The following CAMKMT variants were observed in gnomAD, a reference collection of about 807,000 sequenced individuals.
The protein encoded by CAMKMT is calmodulin-lysine N-methyltransferase.
CAMKMT carries 53 observed loss-of-function variants against 48.0 expected under a neutral mutation model. The ratio of observed to expected loss-of-function variants is 1.10; its 90% CI spans 0.89 to 1.39. The LOEUF (loss-of-function observed/expected upper bound fraction) is 1.39. CAMKMT is among the 40% of genes most tolerant of loss of function. The pLI, the probability that CAMKMT is intolerant of heterozygous loss-of-function variation, is 0.00. For missense variants in CAMKMT, 428 were observed against 402.7 expected (o/e 1.06, Z -0.54); for synonymous variants, 165 against 152.3 (o/e 1.08, Z -0.61).
intron 3 of CAMKMT, among the ~76,000 whole-genome samples, chr2:44,467,555 A>C (rs1326976673): frequency 6.6e-6 from 1 of 152,012 alleles, no homozygotes; most frequent in Non-Finnish European, 1.5e-5. Flanking sequence ...AAAAAACAAA[A>C]AAAAACAAAG....
At chr2:44,762,385 G>A (rs1027064609) in intron 9 of CAMKMT, among the ~76,000 whole-genome samples, 3 of 152,194 alleles carry the variant, frequency 2.0e-5, no homozygotes, top group Non-Finnish European at 2.9e-5. Flanking sequence ...GTATTTAATA[G>A]TTTGGTTGCT....
chr2:44,735,960 C>G (rs981560400), intron 7 of CAMKMT, among the ~76,000 whole-genome samples: 21 of 152,062 alleles, frequency 1.4e-4, no homozygotes, highest in Admixed American at 7.9e-4. Flanking sequence ...AGTATACTGC[C>G]ATTGGTCCCC....
chr2:44,536,276 T>A (rs1233631399), intron 3 of CAMKMT, among the ~76,000 whole-genome samples: 1 of 151,558 alleles, frequency 6.6e-6, no homozygotes, highest in African/African-American at 2.4e-5. Context: ...AAAATGACCA[T>A]ACTACCCAAA....
intron 3 of CAMKMT, among the ~76,000 whole-genome samples, chr2:44,543,100 C>A (rs1667219825): frequency 6.6e-6 from 1 of 152,118 alleles, no homozygotes; most frequent in South Asian, 2.1e-4. Flanking sequence ...AAATTATGTT[C>A]ATTTATATGT....
intron 3 of CAMKMT, among the ~76,000 whole-genome samples, chr2:44,569,423 C>T (rs1015341896): frequency 1.3e-5 from 2 of 152,086 alleles, no homozygotes; most frequent in African/African-American, 4.8e-5. Flanking sequence ...TTCTGAAAAT[C>T]ATTTTCTTTT....
intron 3 of CAMKMT, among the ~76,000 whole-genome samples, chr2:44,647,351 C>G (rs924973280): frequency 6.6e-6 from 1 of 152,050 alleles, no homozygotes; most frequent in Admixed American, 6.6e-5. Context: ...CACTGGGAGA[C>G]AGGGAAAAGC....
chr2:44,630,359 C>G (rs1001111996), intron 3 of CAMKMT, among the ~76,000 whole-genome samples: 11 of 152,160 alleles, frequency 7.2e-5, no homozygotes, highest in Middle Eastern at 3.4e-3. Flanking sequence ...GTCTAAAACA[C>G]CAAAAGCAAT....
At chr2:44,712,232 C>T (rs574911544) in intron 6 of CAMKMT, among the ~76,000 whole-genome samples, 68 of 152,026 alleles carry the variant, frequency 4.5e-4, no homozygotes, top group Admixed American at 6.5e-4. Flanking sequence ...TTCCTACCCT[C>T]ATTTTTGGTA....
chr2:44,454,685 T>C (rs146725469), intron 3 of CAMKMT, among the ~76,000 whole-genome samples: 1 of 152,246 alleles, frequency 6.6e-6, no homozygotes, highest in African/African-American at 2.4e-5. Context: ...ACTTATCTCT[T>C]GGACGGCATA....
At chr2:44,552,240 G>A (rs1044689609) in intron 3 of CAMKMT, among the ~76,000 whole-genome samples, 3 of 151,994 alleles carry the variant, frequency 2.0e-5, no homozygotes, top group Admixed American at 6.6e-5. Context: ...CAGTTTGAAT[G>A]TATGTTCACA....
At chr2:44,757,322 G>T (rs1236694340) in intron 9 of CAMKMT, among the ~76,000 whole-genome samples, 5 of 152,182 alleles carry the variant, frequency 3.3e-5, no homozygotes. Context: ...TGCTCTCATA[G>T]AGTTCTATCA....
intron 9 of CAMKMT, among the ~76,000 whole-genome samples, chr2:44,755,744 C>T (rs1680346957): frequency 2.0e-5 from 3 of 152,222 alleles, no homozygotes. Context: ...ACACTCCCTC[C>T]ATCTGAATCG....
chr2:44,391,469 C>G (rs1342690011), intron 3 of CAMKMT, among the ~76,000 whole-genome samples: 1 of 151,996 alleles, frequency 6.6e-6, no homozygotes, highest in African/African-American at 2.4e-5. Context: ...AGGTGTATCT[C>G]ATATTTTTAT....
intron 3 of CAMKMT, among the ~76,000 whole-genome samples, chr2:44,462,905 T>A (rs925008089): frequency 5.9e-5 from 9 of 152,220 alleles, no homozygotes; most frequent in Non-Finnish European, 4.4e-5. Flanking sequence ...TTTTGCTGAT[T>A]GCATCCCCAT....
chr2:44,488,878 T>TGTGTGTGTGTGTG (rs1669344972), intron 3 of CAMKMT, among the ~76,000 whole-genome samples: 5 of 98,678 alleles, frequency 5.1e-5, no homozygotes, highest in Admixed American at 9.4e-5. Context: ...TGTGTGTGTG[T>TGTGTGTGTGTGTG]TTTAAGAAAT....
chr2:44,588,218 G>A (rs1203622301), intron 3 of CAMKMT, among the ~76,000 whole-genome samples: 1 of 118,684 alleles, frequency 8.4e-6, no homozygotes, highest in Non-Finnish European at 1.8e-5. Flanking sequence ...CCCCGTCTGA[G>A]AAGTGAGGAG....
intron 3 of CAMKMT, among the ~76,000 whole-genome samples, chr2:44,667,319 T>C (rs1473786235): frequency 6.6e-6 from 1 of 152,190 alleles, no homozygotes; most frequent in Non-Finnish European, 1.5e-5. Flanking sequence ...GCAGATGATA[T>C]CCCCATCCGG....
At chr2:44,403,669 C>T (rs969688300) in intron 3 of CAMKMT, among the ~76,000 whole-genome samples, 1 of 152,114 alleles carries the variant, frequency 6.6e-6, no homozygotes, top group African/African-American at 2.4e-5. Flanking sequence ...TAGGTAGATT[C>T]ACTCTAACAT....
At chr2:44,731,817 T>G (rs1473228736) in intron 7 of CAMKMT, among the ~76,000 whole-genome samples, 1 of 152,234 alleles carries the variant, frequency 6.6e-6, no homozygotes, top group African/African-American at 2.4e-5. Flanking sequence ...AGGGCAATGA[T>G]ACTCAGCATC....
Sources: allele counts gnomAD v4.1 joint callset (sites outside exome capture counted in the v4.1 genomes callset), GRCh38; gene constraint gnomAD v4.1.1; transcripts MANE v1.5; gene names NCBI Gene and HGNC (gene_info 2026-07-23, HGNC 2026-07-21).